The following HIVEP3 variants were observed in gnomAD, a reference collection of about 807,000 sequenced individuals.
The protein encoded by HIVEP3 is transcription factor HIVEP3.
HIVEP3 carries 49 observed loss-of-function variants against 152.8 expected under a neutral mutation model. The ratio of observed to expected loss-of-function variants is 0.32; its 90% CI spans 0.26 to 0.41. HIVEP3 has a LOEUF of 0.41. Ranked by LOEUF, HIVEP3 falls within the 10% of genes least tolerant of loss-of-function variation. The probability of loss-of-function intolerance (pLI) is 1.00; values close to 1 mark genes in which losing one functional copy is unlikely to be tolerated. For synonymous variants in HIVEP3, 1,269 were observed against 1,289.0 expected, an observed-to-expected ratio of 0.98 and a Z score of 0.33; for missense variants, 2,790 against 3,103.3, an observed-to-expected ratio of 0.90 and a Z score of 2.40.
intron 1 of HIVEP3, among the ~76,000 whole-genome samples, chr1:41,793,111 T>G (rs146818223): frequency 6.6e-6 from 1 of 152,340 alleles, no homozygotes; most frequent in Non-Finnish European, 1.5e-5. Flanking sequence ...CTGTGTGCCA[T>G]GAAGCAGTGG....
chr1:41,605,398 CACACACACAT>C (rs1644808835), intron 3 of HIVEP3, among the ~76,000 whole-genome samples: 2 of 151,928 alleles, frequency 1.3e-5, no homozygotes, highest in African/African-American at 4.8e-5. Context: ...CACACACACA[CACACACACAT>C]ACATATGTTA....
rs1468336596 is a variant in HIVEP3, at chr1:41,510,807, G to A, written c.6865C>T (p.Pro2289Ser). The A allele has an allele frequency of 1.9e-6, 3 of 1,611,996 alleles. No individual in the cohort carries two copies. The Admixed American group carries it at 5.0e-5, about 27-fold the overall frequency. ...ERTGGGPGRPPDWTPHGTGAP... is the reference protein window; with the variant it reads ...ERTGGGPGRPSDWTPHGTGAP... The stretch of plus-strand genomic sequence containing the variant: ...CCGGTCCCATGGGGTGTCCAGTCAG[G>A]AGGCCTGCCCGGGCCTCCGCCGGTC... The change falls in exon 9 of 9, where the codon CCT (proline) becomes TCT (serine). Residue 2289 changes from proline (P) to serine (S), a missense_variant. Pro to Ser is a moderately conservative substitution (Grantham distance 74). Coordinates refer to ENST00000372583, the MANE Select transcript of HIVEP3 (RefSeq NM_024503.5).
At chr1:41,865,542 G>A (rs1443478180) in intron 1 of HIVEP3, 1 of 152,232 alleles carries the variant, frequency 6.6e-6, no homozygotes, top group Non-Finnish European at 1.5e-5. Context: ...TGTTTCCTCT[G>A]GTTACCTTTA....
At chr1:41,515,622 C>T (rs1015989430) in intron 7 of HIVEP3, among the ~76,000 whole-genome samples, 2 of 152,232 alleles carry the variant, frequency 1.3e-5, no homozygotes, top group African/African-American at 4.8e-5. Flanking sequence ...CTAAGGTTTA[C>T]AGCCCTTGCA....
At chr1:41,982,701 G>T (rs970235834) in intron 1 of HIVEP3, among the ~76,000 whole-genome samples, 1 of 152,096 alleles carries the variant, frequency 6.6e-6, no homozygotes, top group Non-Finnish European at 1.5e-5. Context: ...ATTACTTGCC[G>T]ACAGAATTGG....
intron 2 of HIVEP3, among the ~76,000 whole-genome samples, chr1:41,640,932 C>T (rs990986644): frequency 5.3e-5 from 8 of 152,206 alleles, no homozygotes; most frequent in African/African-American, 1.7e-4. Context: ...CACTGTGTGG[C>T]CTTCTTCGAG....
At chr1:42,006,954 T>A (rs573631548) in intron 1 of HIVEP3, among the ~76,000 whole-genome samples, 1 of 152,268 alleles carries the variant, frequency 6.6e-6, no homozygotes, top group Non-Finnish European at 1.5e-5. Flanking sequence ...TTACCAAAGG[T>A]CACAGCAGGG....
intron 1 of HIVEP3, among the ~76,000 whole-genome samples, chr1:41,915,481 A>G (rs578179871): frequency 2.8e-4 from 43 of 152,342 alleles, no homozygotes; most frequent in African/African-American, 9.6e-4. Context: ...TGCTAGGTGC[A>G]TTTGACAAAC....
intron 1 of HIVEP3, among the ~76,000 whole-genome samples, chr1:41,850,671 T>C (rs748284281): frequency 7.2e-5 from 11 of 152,224 alleles, no homozygotes; most frequent in Admixed American, 6.5e-4. Context: ...CATTTCTTAG[T>C]AAGGCTATGA....
chr1:41,587,673 G>A (rs768518871), intron 3 of HIVEP3, among the ~76,000 whole-genome samples: 16 of 152,206 alleles, frequency 1.1e-4, no homozygotes, highest in Non-Finnish European at 2.4e-4. Context: ...CTTAGAGACT[G>A]ACTGTCTAGT....
At chr1:41,896,556 C>A (rs1268677194) in intron 1 of HIVEP3, among the ~76,000 whole-genome samples, 1 of 151,470 alleles carries the variant, frequency 6.6e-6, no homozygotes, top group Non-Finnish European at 1.5e-5. Flanking sequence ...CTCAAAAAGG[C>A]ATGCTTTTTA....
At chr1:41,528,905 G>A (rs760970085) in intron 5 of HIVEP3, among the ~76,000 whole-genome samples, 46 of 45,008 alleles carry the variant, frequency 1.0e-3, no homozygotes, top group Non-Finnish European at 1.4e-3. Flanking sequence ...TCCACACCCC[G>A]CCCTCACACC....
chr1:41,790,233 C>T (rs2124296917), intron 1 of HIVEP3, among the ~76,000 whole-genome samples: 2 of 152,156 alleles, frequency 1.3e-5, no homozygotes, highest in Middle Eastern at 6.8e-3. Flanking sequence ...GTAACCTATC[C>T]CTCAAGAGCT....
chr1:41,722,980 A>G (rs978388697), intron 1 of HIVEP3, among the ~76,000 whole-genome samples: 4 of 152,280 alleles, frequency 2.6e-5, no homozygotes, highest in Non-Finnish European at 5.9e-5. Flanking sequence ...AGGTAAGACC[A>G]GGTAGGAGAT....
intron 1 of HIVEP3, among the ~76,000 whole-genome samples, chr1:41,755,354 G>T (rs1255763994): frequency 6.6e-6 from 1 of 152,012 alleles, no homozygotes; most frequent in African/African-American, 2.4e-5. Flanking sequence ...AAAACATTCA[G>T]AGATAACACA....
intron 3 of HIVEP3, among the ~76,000 whole-genome samples, chr1:41,607,333 A>T (rs11811858): frequency 0.015 from 2,337 of 152,298 alleles, 67 homozygotes; most frequent in African/African-American, 0.053. Context: ...TGAAATGACC[A>T]ATCTGGTCTT....
chr1:41,555,804 A>G (rs1444575401), intron 5 of HIVEP3, among the ~76,000 whole-genome samples: 2 of 152,156 alleles, frequency 1.3e-5, no homozygotes, highest in African/African-American at 4.8e-5. Flanking sequence ...TCCTTCCTCC[A>G]AGACCTGGCA....
chr1:41,863,349 T>C (rs549898211), intron 1 of HIVEP3, among the ~76,000 whole-genome samples: 2 of 152,294 alleles, frequency 1.3e-5, no homozygotes, highest in Admixed American at 6.5e-5. Flanking sequence ...GATCACCTGA[T>C]CTGTAGAGCC....
At chr1:41,983,786 C>G (rs1645307183) in intron 1 of HIVEP3, among the ~76,000 whole-genome samples, 1 of 151,742 alleles carries the variant, frequency 6.6e-6, no homozygotes, top group Admixed American at 6.6e-5. Flanking sequence ...ATTAAAAAGA[C>G]AGAACAAAAA....
Sources: allele counts gnomAD v4.1 joint callset (sites outside exome capture counted in the v4.1 genomes callset), GRCh38; gene constraint gnomAD v4.1.1; transcripts MANE v1.5; gene names NCBI Gene and HGNC (gene_info 2026-07-23, HGNC 2026-07-21).